CHCHD4: variants seen among roughly 807,000 people sequenced by gnomAD.
CHCHD4 encodes coiled-coil-helix-coiled-coil-helix domain containing 4.
Under a neutral mutation model 12.4 loss-of-function variants are expected in CHCHD4, and 7 were observed. The observed-to-expected ratio is 0.57, with a 90% CI of 0.32 to 1.06. The LOEUF is 1.06. Ranked by LOEUF, CHCHD4 falls within the 50% of genes least tolerant of loss-of-function variation. The probability of loss-of-function intolerance (pLI) is 0.04; values close to 1 mark genes in which losing one functional copy is unlikely to be tolerated. For synonymous variants in CHCHD4, 56 were observed against 58.0 expected (o/e 0.97, Z 0.16); for missense variants, 143 against 175.1 (o/e 0.82, Z 1.03).
intron 1 of CHCHD4, among the ~76,000 whole-genome samples, chr3:14,123,094 GATAA>G (rs1694955616): frequency 6.6e-6 from 1 of 152,160 alleles, no homozygotes; most frequent in Admixed American, 6.5e-5. Context: ...GTATGCACAA[GATAA>G]ATACTAAGGA....
At chr3:14,116,547 A>C in intron 1 of CHCHD4, 23 bp from the exon 2 acceptor site, 1 of 1,542,720 alleles carries the variant, frequency 6.5e-7, no homozygotes, top group Non-Finnish European at 9.0e-7. Context: ...GAACAGAGGA[A>C]GAAATATTTC....
chr3:14,121,822 C>A (rs1364686252), intron 1 of CHCHD4: 1 of 1,599,638 alleles, frequency 6.3e-7, no homozygotes, highest in African/African-American at 1.3e-5. Flanking sequence ...ATACAACTCC[C>A]CCATACAGAA....
intron 1 of CHCHD4, among the ~76,000 whole-genome samples, chr3:14,124,229 G>A (rs2124980262): frequency 6.6e-6 from 1 of 152,334 alleles, no homozygotes; most frequent in South Asian, 2.1e-4. Flanking sequence ...GCTACCCCGA[G>A]TGGCAACTTT....
At chr3:14,121,865 TCAGA>T (rs1694938179) in intron 1 of CHCHD4, 2 of 1,613,846 alleles carry the variant, frequency 1.2e-6, no homozygotes, top group Non-Finnish European at 1.7e-6. Context: ...CAAATGGCTT[TCAGA>T]CAGAGTGTTA....
Position 14,112,682 on chromosome 3 carries a change from A to G in CHCHD4, c.*205T>C. On this transcript the variant is annotated 3_prime_UTR_variant, in exon 3 of 3. Coordinates refer to ENST00000396914, the MANE Select transcript of CHCHD4 (RefSeq NM_001098502.2). Reference sequence around the variant, plus strand: ...AAAAGTGGCGGCCACAGGTTTGGGTAGGACACACATACATACAACCCCCAT... The same window carrying G: ...AAAAGTGGCGGCCACAGGTTTGGGTGGGACACACATACATACAACCCCCAT... The G allele has an allele frequency of 2.0e-6, 1 of 498,668 alleles. No homozygotes were observed. The highest frequency in any genetic ancestry group is 4.2e-5 in the South Asian group (1 of 23,606). 30.9% of individuals were successfully genotyped at this position (498,668 alleles called of 1,614,324 possible). A position where few individuals can be genotyped will look rare whatever the true frequency, so the allele number is the denominator to read the frequency against.
At chr3:14,117,007 G>A (rs1694883460) in intron 1 of CHCHD4, among the ~76,000 whole-genome samples, 2 of 152,236 alleles carry the variant, frequency 1.3e-5, no homozygotes, top group African/African-American at 4.8e-5. Context: ...CACTGCAGCC[G>A]TTCCACTCCC....
intron 2 of CHCHD4, among the ~76,000 whole-genome samples, chr3:14,115,362 A>ATTCAC (rs1694866797): frequency 1.3e-5 from 2 of 151,174 alleles, no homozygotes; most frequent in African/African-American, 4.9e-5. Context: ...TAACACTGTG[A>ATTCAC]GGCAAACAAA....
At chr3:14,122,510 C>T (rs772217369) in intron 1 of CHCHD4, among the ~76,000 whole-genome samples, 3 of 152,220 alleles carry the variant, frequency 2.0e-5, no homozygotes, top group Non-Finnish European at 4.4e-5. Flanking sequence ...GGCCCAGGTG[C>T]GAGGCTGAGA....
chr3:14,120,208 CAA>C (rs1023427807), intron 1 of CHCHD4, among the ~76,000 whole-genome samples: 1 of 151,952 alleles, frequency 6.6e-6, no homozygotes, highest in African/African-American at 2.4e-5. Flanking sequence ...CAGTCAGATA[CAA>C]AGACACCTTC....
chr3:14,121,871 AG>A, intron 1 of CHCHD4: 2 of 1,613,940 alleles, frequency 1.2e-6, no homozygotes, highest in South Asian at 2.2e-5. Context: ...GCTTTCAGAC[AG>A]AGTGTTAAGA....
In CHCHD4 at chr3:14,123,777, G is replaced by A. The variant is rs1574933721; in HGVS notation, c.22+878C>T. Among the ~76,000 whole-genome samples, 5 of 152,332 alleles carry A rather than the reference G, an allele frequency of 3.3e-5. No homozygotes were observed. The East Asian group carries it at 7.7e-4, about 23-fold the overall frequency. ...GGATACCAGGGCCTGGAGGGGTTAG[G>A]TGGGAGCTCAGGGCCAAGGAGCCAG... On this transcript the variant is annotated intron_variant, in intron 1 of 2. Coordinates refer to ENST00000396914, the MANE Select transcript of CHCHD4 (RefSeq NM_001098502.2).
intron 1 of CHCHD4, 121 bp downstream of exon 1, chr3:14,124,533 AG>A: frequency 2.5e-6 from 2 of 802,920 alleles, no homozygotes; most frequent in East Asian, 3.4e-5. Context: ...CGAGTGTCCC[AG>A]GGTGGGCACC....
chr3:14,119,017 C>T (rs1209826600), intron 1 of CHCHD4: 1 of 152,328 alleles, frequency 6.6e-6, no homozygotes, highest in Non-Finnish European at 1.5e-5. Context: ...CTGAATCGAG[C>T]TCTCTGCCAT....
intron 2 of CHCHD4, among the ~76,000 whole-genome samples, chr3:14,113,697 A>G (rs1188721004): frequency 6.6e-6 from 1 of 151,344 alleles, no homozygotes; most frequent in Non-Finnish European, 1.5e-5. Flanking sequence ...GGTGAAAAGG[A>G]GGAGGTTGCT....
intron 1 of CHCHD4, among the ~76,000 whole-genome samples, chr3:14,117,232 C>T (rs1279928389): frequency 3.9e-5 from 6 of 152,198 alleles, no homozygotes; most frequent in Admixed American, 3.9e-4. Context: ...TGTTCACAAC[C>T]AGAGCCCTCA....
In CHCHD4 at chr3:14,116,497, T is replaced by G. The variant is rs1694877848; in HGVS notation, c.50A>C (p.Lys17Thr). ...ACTGCTTGGAGTTTCATGATCTTCT[T>G]TGGTTACAAATATGATTCGATCCTT... ...EGKDRIIFVTKEDHETPSSAE... is the reference protein window; with the variant it reads ...EGKDRIIFVTTEDHETPSSAE... The change falls in exon 2 of 3, where the codon AAA (lysine) becomes ACA (threonine). Residue 17 changes from lysine to threonine, a missense_variant. By Grantham distance (78) the Lys-to-Thr change is moderately conservative. Transcript: ENST00000396914. The G allele has an allele frequency of 8.1e-6, 13 of 1,613,176 alleles. No homozygotes were observed. The highest frequency in any genetic ancestry group is 1.0e-5 in the Non-Finnish European group (12 of 1,179,214).
chr3:14,118,588 A>T (rs1694900159), intron 1 of CHCHD4, among the ~76,000 whole-genome samples: 1 of 152,204 alleles, frequency 6.6e-6, no homozygotes, highest in Admixed American at 6.5e-5. Context: ...AACCCTCAGC[A>T]CACGGGGCCA....
At chr3:14,113,251 C>T (rs1432152128) in intron 2 of CHCHD4, 57 bp from the exon 3 acceptor site, 15 of 1,413,628 alleles carry the variant, frequency 1.1e-5, no homozygotes, top group Admixed American at 1.9e-5. Context: ...CAAAACTAGT[C>T]CAGTCCTCAC....
At chr3:14,119,463 T>C (rs1694910448) in intron 1 of CHCHD4, 1 of 138,678 alleles carries the variant, frequency 7.2e-6, no homozygotes, top group Non-Finnish European at 1.5e-5. Context: ...TAAAAGTCGA[T>C]TCAAGGACTG....
Sources: allele counts gnomAD v4.1 joint callset (sites outside exome capture counted in the v4.1 genomes callset), GRCh38; gene constraint gnomAD v4.1.1; transcripts MANE v1.5; gene names NCBI Gene and HGNC (gene_info 2026-07-23, HGNC 2026-07-21).